Variants in ECPAS observed in about 807,000 individuals in gnomAD.
ECPAS encodes Ecm29 proteasome adaptor and scaffold, also known as proteasome adapter and scaffold protein ECM29.
Under a neutral mutation model 255.1 loss-of-function variants are expected in ECPAS, and 70 were observed. That is an observed-to-expected ratio of 0.27 (90% CI 0.23 to 0.33). The LOEUF is 0.33. Among genes scored for constraint, ECPAS ranks in the 10% least tolerant of loss-of-function variants. The probability of loss-of-function intolerance (pLI) is 1.00; values close to 1 mark genes in which losing one functional copy is unlikely to be tolerated. For missense variants in ECPAS, 1,817 were observed against 2,206.4 expected (o/e 0.82, Z 3.54); for synonymous variants, 784 against 775.0 (o/e 1.01, Z -0.19).
chr9:111,408,819 T>C (rs2098189243), intron 23 of ECPAS, 147 bp from the exon 24 acceptor site: 1 of 483,840 alleles, frequency 2.1e-6, no homozygotes, highest in Non-Finnish European at 3.7e-6. Context: ...AATTTTACAG[T>C]CGTATGTCTG....
intron 2 of ECPAS, among the ~76,000 whole-genome samples, chr9:111,465,904 C>T (rs1200723414): frequency 2.0e-5 from 3 of 151,630 alleles, no homozygotes; most frequent in Admixed American, 1.3e-4. Flanking sequence ...CATGGTGGTG[C>T]GTCCCTGTAG....
intron 2 of ECPAS, among the ~76,000 whole-genome samples, chr9:111,458,299 T>C (rs1329147481): frequency 6.6e-6 from 1 of 152,228 alleles, no homozygotes; most frequent in Non-Finnish European, 1.5e-5. Context: ...AAGAATGTTG[T>C]GAAACATTAT....
intron 9 of ECPAS, among the ~76,000 whole-genome samples, chr9:111,428,558 T>C (rs1166539800): frequency 6.6e-6 from 1 of 152,198 alleles, no homozygotes; most frequent in Non-Finnish European, 1.5e-5. Flanking sequence ...TATATTCTTC[T>C]GTATTCAATC....
At chr9:111,373,526 G>C in intron 39 of ECPAS, 120 bp from the exon 40 acceptor site, 1 of 727,014 alleles carries the variant, frequency 1.4e-6, no homozygotes, top group Non-Finnish European at 2.3e-6. Flanking sequence ...CAGTAGTTTA[G>C]ATTTCTGGAT....
rs16916096 is a variant in ECPAS at position 111,425,681 on chromosome 9, T to C, written c.1136+62A>G. 11,338 of 1,084,264 alleles carry C rather than the reference T, an allele frequency of 0.01. 783 individuals are homozygous for C. The African/African-American group carries it at 0.15, about 15-fold the overall frequency. 67.2% of individuals were successfully genotyped at this position (1,084,264 alleles called of 1,614,324 possible). A position where few individuals can be genotyped will look rare whatever the true frequency, so the allele number is the denominator to read the frequency against. Reference sequence around the variant, plus strand: ...AGGTAAGATGAGTAAAACGATACACTTGAAGCACTCAATCATTCCAGCAGC... The same window carrying C: ...AGGTAAGATGAGTAAAACGATACACCTGAAGCACTCAATCATTCCAGCAGC... On this transcript the variant is annotated intron_variant, in intron 11 of 49. Transcript: ENST00000684092.
chr9:111,441,462 G>C (rs758117557), intron 5 of ECPAS, among the ~76,000 whole-genome samples: 1 of 151,826 alleles, frequency 6.6e-6, no homozygotes, highest in South Asian at 2.1e-4. Flanking sequence ...CCAAGATTGC[G>C]CCATTGCACT....
intron 2 of ECPAS, among the ~76,000 whole-genome samples, chr9:111,470,211 C>A (rs1390750019): frequency 6.6e-6 from 1 of 152,178 alleles, no homozygotes; most frequent in Non-Finnish European, 1.5e-5. Context: ...GTCTGTCCCC[C>A]AAGGGCCCAG....
chr9:111,431,921 C>T (rs1360265953), intron 8 of ECPAS, among the ~76,000 whole-genome samples: 1 of 152,240 alleles, frequency 6.6e-6, no homozygotes, highest in African/African-American at 2.4e-5. Flanking sequence ...AATCCTCAAG[C>T]TCCGCCGTTG....
rs372784712 is a variant in ECPAS at position 111,414,649 on chromosome 9, G to A, written c.1767C>T (p.Ile589=). 160 of 1,608,680 alleles carry A rather than the reference G, an allele frequency of 9.9e-5. 2 individuals carry two copies. Among genetic ancestry groups the A allele is most frequent in the Non-Finnish European group, 1.2e-4 (145 of 1,176,930 alleles). Residue 589 remains isoleucine, a splice_region_variant and synonymous_variant, in exon 19 of 50, where the codon ATC becomes ATT. Coordinates refer to ENST00000684092, the MANE Select transcript of ECPAS (RefSeq NM_001364929.1). ...LPFNPAAFGE[I]VLYLRMCLAH... ...CAAGGCACATGCGCAAGTACAGAAC[G>A]ATCTACAAACAGAACGGAGAGGAAG...
In ECPAS at chr9:111,410,233, A is replaced by G. The variant is rs764665111; in HGVS notation, c.2378-20T>C. ...ATGAGCCTGTAAGCACATTTAGCCA[A>G]AAAGAGAATTACATACCATTATCCT... On this transcript the variant is annotated intron_variant, in intron 22 of 49. Coordinates refer to ENST00000684092, the MANE Select transcript of ECPAS (RefSeq NM_001364929.1). 2 of 1,597,864 alleles carry G rather than the reference A, an allele frequency of 1.3e-6. No homozygotes were observed. Among genetic ancestry groups the G allele is most frequent in the South Asian group, 2.3e-5 (2 of 87,632 alleles).
chr9:111,411,477 A>G (rs888259434), intron 21 of ECPAS, among the ~76,000 whole-genome samples: 2 of 152,232 alleles, frequency 1.3e-5, no homozygotes, highest in Admixed American at 1.3e-4. Flanking sequence ...CACTTATGTA[A>G]CTAGAATATC....
chr9:111,470,322 T>A (rs1294846326), intron 2 of ECPAS, among the ~76,000 whole-genome samples: 1 of 151,964 alleles, frequency 6.6e-6, no homozygotes, highest in Non-Finnish European at 1.5e-5. Context: ...TGGCCTTTTT[T>A]TTTTTTTTAG....
chr9:111,383,921 C>CA (rs1027555011), intron 34 of ECPAS, among the ~76,000 whole-genome samples: 9 of 149,364 alleles, frequency 6.0e-5, no homozygotes, highest in East Asian at 2.0e-4. Context: ...GACCTTGTCT[C>CA]AAAAAAAAAT....
intron 2 of ECPAS, among the ~76,000 whole-genome samples, chr9:111,470,330 T>C (rs77572385): frequency 6.6e-6 from 1 of 151,482 alleles, no homozygotes; most frequent in Non-Finnish European, 1.5e-5. Context: ...TTTTTTTTTT[T>C]AGTGAAGTCT....
intron 1 of ECPAS, among the ~76,000 whole-genome samples, chr9:111,475,789 T>C (rs1263254569): frequency 2.6e-5 from 4 of 151,266 alleles, no homozygotes; most frequent in Non-Finnish European, 5.9e-5. Flanking sequence ...AGAATGGAAA[T>C]TAATAAAAAA....
In ECPAS at chr9:111,411,160, A is replaced by AAT. The variant is rs763979683; in HGVS notation, c.2215-20_2215-19dup. On this transcript the variant is annotated intron_variant, in intron 21 of 49. Transcript: ENST00000684092. Reference sequence around the variant, plus strand: ...TCCGGGCTCTGAATTTAGCAAAAACAATAGCATATCTCTGGCTCTCTCTCA... The same window carrying AAT: ...TCCGGGCTCTGAATTTAGCAAAAACAATATAGCATATCTCTGGCTCTCTCTCA... The AAT allele has an allele frequency of 6.2e-7, 1 of 1,612,804 alleles. No homozygotes were observed. The highest frequency in any genetic ancestry group is 2.2e-5 in the East Asian group (1 of 44,864).
intron 25 of ECPAS, among the ~76,000 whole-genome samples, chr9:111,396,072 A>G (rs1438048051): frequency 1.3e-5 from 2 of 152,218 alleles, no homozygotes; most frequent in Admixed American, 6.5e-5. Flanking sequence ...AACTAAATTA[A>G]TGCATTATTC....
intron 47 of ECPAS, 78 bp downstream of exon 47, chr9:111,366,444 G>T (rs1381354804): frequency 7.7e-7 from 1 of 1,305,748 alleles, no homozygotes; most frequent in Non-Finnish European, 1.1e-6. Flanking sequence ...GTTTTTAAAT[G>T]TATAAAAATT....
At chr9:111,421,407 ATATGTGTGTGTGTGTG>A (rs2098213534) in intron 15 of ECPAS, among the ~76,000 whole-genome samples, 1 of 127,354 alleles carries the variant, frequency 7.9e-6, no homozygotes, top group African/African-American at 3.5e-5. Flanking sequence ...CATATTACAT[ATATGTGTGTGTGTGTG>A]TGTGTGTGTG....
Sources: gnomAD v4.1 joint callset for allele counts (sites outside exome capture counted in the v4.1 genomes callset) on GRCh38, gnomAD v4.1.1 for gene constraint, MANE v1.5 for transcripts, NCBI Gene and HGNC (gene_info 2026-07-23, HGNC 2026-07-21) for gene names.